The following ANKS1A variants were observed in gnomAD, a reference collection of about 807,000 sequenced individuals.
ANKS1A encodes ankyrin repeat and sterile alpha motif domain containing 1A.
In ANKS1A, 55 loss-of-function variants were observed where a neutral mutation model predicts 120.3. The ratio of observed to expected loss-of-function variants is 0.46; its 90% CI spans 0.37 to 0.57. The LOEUF is 0.57. ANKS1A is among the 20% of genes least tolerant of loss of function. The probability of loss-of-function intolerance (pLI) is 0.00; values close to 1 mark genes in which losing one functional copy is unlikely to be tolerated. For missense variants in ANKS1A, 1,123 were observed against 1,480.3 expected (o/e 0.76, Z 3.96); for synonymous variants, 590 against 604.7 (o/e 0.98, Z 0.36).
At chr6:35,092,008 G>A (rs1010266594), downstream of ANKS1A, among the ~76,000 whole-genome samples, 4 of 152,202 alleles carry the variant, frequency 2.6e-5, no homozygotes, top group East Asian at 7.7e-4. Context: ...CCCCTTCACT[G>A]ATTGACGGAG....
chr6:35,021,368 G>T (rs907011180), intron 11 of ANKS1A, among the ~76,000 whole-genome samples: 1 of 152,260 alleles, frequency 6.6e-6, no homozygotes, highest in East Asian at 1.9e-4. Flanking sequence ...GAGCCCCTCA[G>T]GCTGCTCCTG....
rs776425362 is a variant in ANKS1A at position 35,081,164 on chromosome 6, G to A, written c.2709+6G>A. On this transcript the variant is annotated splice_donor_region_variant and intron_variant, in intron 17 of 23. Transcript: ENST00000360359. ...CGGAGCGCTTCAGGATCCAGGTGGG[G>A]CAGGGGGAGTGGAGGTGCAGCCAGG... The A allele has an allele frequency of 1.2e-6, 2 of 1,604,710 alleles. No individual in the cohort carries two copies. The highest frequency in any genetic ancestry group is 2.7e-5 in the African/African-American group (2 of 74,780).
In ANKS1A at chr6:35,007,761, T is replaced by C. The variant is rs1040876758; in HGVS notation, c.1424-9712T>C. Among the ~76,000 whole-genome samples the C allele has an allele frequency of 2.6e-5, 4 of 152,350 alleles. No individual in the cohort carries two copies. The South Asian group carries it at 8.3e-4, about 32-fold the overall frequency. On this transcript the variant is annotated intron_variant, in intron 10 of 23. Transcript: ENST00000360359. ...TACATGTGGACTTTCTGGCGTGCAG[T>C]TACACTTCAGAGGTTTTTGAGATTA...
intron 1 of ANKS1A, among the ~76,000 whole-genome samples, chr6:34,941,387 C>T (rs552999525): frequency 6.5e-4 from 99 of 151,802 alleles, no homozygotes; most frequent in African/African-American, 2.3e-3. Context: ...TGGCTTTTTC[C>T]GTTTTTTTTC....
intron 1 of ANKS1A, among the ~76,000 whole-genome samples, chr6:34,913,980 T>G (rs1465508370): frequency 6.6e-6 from 1 of 152,100 alleles, no homozygotes; most frequent in Admixed American, 6.5e-5. Flanking sequence ...TGCAGTGGCG[T>G]GATCTTGGCT....
chr6:34,996,403 T>C (rs1177721883), intron 10 of ANKS1A, among the ~76,000 whole-genome samples: 2 of 152,174 alleles, frequency 1.3e-5, no homozygotes, highest in Non-Finnish European at 2.9e-5. Context: ...CAGTGTCTTT[T>C]GAAGAGAAGT....
At chr6:35,074,659 T>C (rs931565708) in intron 13 of ANKS1A, among the ~76,000 whole-genome samples, 3 of 152,234 alleles carry the variant, frequency 2.0e-5, no homozygotes, top group East Asian at 1.9e-4. Context: ...GTAGGAACTC[T>C]GTGGTGACTC....
At chr6:35,073,003 C>G (rs1777156087) in intron 13 of ANKS1A, among the ~76,000 whole-genome samples, 1 of 152,208 alleles carries the variant, frequency 6.6e-6, no homozygotes, top group Non-Finnish European at 1.5e-5. Context: ...AGTACCATGG[C>G]CTTGGATAAG....
At chr6:34,986,728 A>G (rs903304317) in intron 8 of ANKS1A, among the ~76,000 whole-genome samples, 1 of 152,232 alleles carries the variant, frequency 6.6e-6, no homozygotes, top group African/African-American at 2.4e-5. Flanking sequence ...CCCGCAGTCT[A>G]GTGGTAGTCC....
At chr6:34,893,137 G>A (rs1320964935) in intron 1 of ANKS1A, among the ~76,000 whole-genome samples, 1 of 152,132 alleles carries the variant, frequency 6.6e-6, no homozygotes, top group Non-Finnish European at 1.5e-5. Context: ...GTAAAATGGG[G>A]ATAATACTAT....
At chr6:35,079,699 C>A in intron 15 of ANKS1A, 31 bp downstream of exon 15, 1 of 1,613,944 alleles carries the variant, frequency 6.2e-7, no homozygotes, top group Non-Finnish European at 8.5e-7. Flanking sequence ...CCGGCCTGGA[C>A]TCTCCAGAAG....
At chr6:35,018,168 C>T (rs112394288) in intron 11 of ANKS1A, 109 bp downstream of exon 11, 18,698 of 1,097,928 alleles carry the variant, frequency 0.017, 233 homozygotes, top group South Asian at 0.029. Flanking sequence ...CAAGGTTGCT[C>T]TGGTTCCTTC....
chr6:34,917,479 C>T (rs929418311), intron 1 of ANKS1A, among the ~76,000 whole-genome samples: 4 of 152,192 alleles, frequency 2.6e-5, no homozygotes, highest in Non-Finnish European at 5.9e-5. Flanking sequence ...ATTCCTATGA[C>T]CACTGTGTAG....
intron 12 of ANKS1A, among the ~76,000 whole-genome samples, chr6:35,056,344 A>G (rs1456396678): frequency 6.6e-6 from 1 of 152,248 alleles, no homozygotes; most frequent in Non-Finnish European, 1.5e-5. Context: ...GCTGGAGTGC[A>G]GCGCGGTGAT....
intron 1 of ANKS1A, among the ~76,000 whole-genome samples, chr6:34,938,423 T>C (rs1769363991): frequency 6.6e-6 from 1 of 152,176 alleles, no homozygotes; most frequent in African/African-American, 2.4e-5. Context: ...CACAAATCAG[T>C]CTGTTCCTTA....
At chr6:35,091,696 T>C (rs905142842), downstream of ANKS1A, among the ~76,000 whole-genome samples, 4 of 152,212 alleles carry the variant, frequency 2.6e-5, no homozygotes, top group Non-Finnish European at 5.9e-5. Context: ...TGCAGTGGCA[T>C]CTCTTCTGCC....
chr6:35,054,305 C>G, intron 12 of ANKS1A, 140 bp downstream of exon 12: 1 of 712,848 alleles, frequency 1.4e-6, no homozygotes, highest in East Asian at 2.7e-5. Flanking sequence ...TCCTATAATT[C>G]AGTCTCCAAT....
chr6:35,015,535 CA>C (rs1288297138), intron 10 of ANKS1A, among the ~76,000 whole-genome samples: 2 of 152,038 alleles, frequency 1.3e-5, no homozygotes, highest in Non-Finnish European at 2.9e-5. Context: ...AGAGAGATGC[CA>C]AAGTTGGTGC....
At position 35,089,993 on chromosome 6, in the gene ANKS1A, G is replaced by C; in HGVS notation, c.*1384G>C. On this transcript the variant is annotated 3_prime_UTR_variant, in exon 24 of 24. Coordinates refer to ENST00000360359, the MANE Select transcript of ANKS1A (RefSeq NM_015245.3). Reference sequence around the variant, plus strand: ...AATTCTTTGTTGGTATGTATGTGCAGGGAGTACTGTTAGGCACATTCTTAA... The same window carrying C: ...AATTCTTTGTTGGTATGTATGTGCACGGAGTACTGTTAGGCACATTCTTAA... 8.4e-7 allele frequency: 1 copy of C among 1,193,708 alleles called. No homozygotes were observed. The highest frequency in any genetic ancestry group is 1.1e-6 in the Non-Finnish European group (1 of 942,608). The allele number at this position is 1,193,708 out of a possible 1,614,324, so 73.9% of individuals were successfully genotyped here. A position where few individuals can be genotyped will look rare whatever the true frequency, so the allele number is the denominator to read the frequency against.
Sources: gnomAD v4.1 joint callset for allele counts (sites outside exome capture counted in the v4.1 genomes callset) on GRCh38, gnomAD v4.1.1 for gene constraint, MANE v1.5 for transcripts, NCBI Gene and HGNC (gene_info 2026-07-23, HGNC 2026-07-21) for gene names.